MDGA2: variants seen among roughly 807,000 people sequenced by gnomAD.
MDGA2 encodes the protein MAM domain-containing glycosylphosphatidylinositol anchor protein 2.
MDGA2 carries 40 observed loss-of-function variants against 117.8 expected under a neutral mutation model. The ratio of observed to expected loss-of-function variants is 0.34; its 90% CI spans 0.26 to 0.44. The LOEUF (loss-of-function observed/expected upper bound fraction) is 0.44, where lower values mean the gene tolerates loss of function less well. MDGA2 is among the 20% of genes least tolerant of loss of function. MDGA2 has a pLI of 1.00. For missense variants in MDGA2, 1,123 were observed against 1,250.6 expected (o/e 0.90, Z 1.54); for synonymous variants, 452 against 439.0 (o/e 1.03, Z -0.37).
intron 1 of MDGA2, among the ~76,000 whole-genome samples, chr14:47,390,061 C>A (rs1891858892): frequency 6.6e-6 from 1 of 152,124 alleles, no homozygotes; most frequent in Non-Finnish European, 1.5e-5. Context: ...AGTTGTGCCC[C>A]TCCTGTAATC....
At chr14:47,508,430 T>C (rs976330948) in intron 1 of MDGA2, among the ~76,000 whole-genome samples, 11 of 151,546 alleles carry the variant, frequency 7.3e-5, no homozygotes, top group African/African-American at 1.9e-4. Flanking sequence ...TTTTTAAAAA[T>C]ATGAATGAGA....
chr14:47,404,002 C>T (rs764171083), intron 1 of MDGA2, among the ~76,000 whole-genome samples: 31 of 152,056 alleles, frequency 2.0e-4, no homozygotes, highest in Non-Finnish European at 3.8e-4. Context: ...CTTCATCAAA[C>T]TCAGCATAAA....
intron 3 of MDGA2, among the ~76,000 whole-genome samples, chr14:47,144,609 A>AC (rs1029665355): frequency 1.2e-4 from 19 of 152,122 alleles, no homozygotes; most frequent in African/African-American, 4.6e-4. Context: ...AACCTCAGTG[A>AC]CAAAAAAAAA....
chr14:47,089,386 T>G (rs1341873523), intron 6 of MDGA2, among the ~76,000 whole-genome samples: 2 of 152,050 alleles, frequency 1.3e-5, no homozygotes, highest in South Asian at 4.1e-4. Context: ...TTTTTGTTTG[T>G]TTGTTTGTAG....
At chr14:46,959,689 T>C (rs1264428527) in intron 8 of MDGA2, among the ~76,000 whole-genome samples, 1 of 152,206 alleles carries the variant, frequency 6.6e-6, no homozygotes, top group Non-Finnish European at 1.5e-5. Flanking sequence ...TTTAGATGGA[T>C]GGATTACATT....
At chr14:46,847,415 A>C (rs1229525201) in intron 15 of MDGA2, among the ~76,000 whole-genome samples, 1 of 152,010 alleles carries the variant, frequency 6.6e-6, no homozygotes, top group Non-Finnish European at 1.5e-5. Flanking sequence ...CTGTAGTTCA[A>C]ATATTTAGAA....
chr14:47,120,799 G>A (rs185609960), intron 5 of MDGA2, among the ~76,000 whole-genome samples: 1 of 152,174 alleles, frequency 6.6e-6, no homozygotes, highest in African/African-American at 2.4e-5. Context: ...TATAACAATG[G>A]ACTGGATACA....
intron 2 of MDGA2, among the ~76,000 whole-genome samples, chr14:47,228,290 T>C (rs1002108644): frequency 6.6e-6 from 1 of 152,208 alleles, no homozygotes; most frequent in Non-Finnish European, 1.5e-5. Context: ...CAAGGTTCAA[T>C]GATTCACAGA....
At chr14:47,099,222 G>GA (rs879832162) in intron 5 of MDGA2, among the ~76,000 whole-genome samples, 1 of 151,120 alleles carries the variant, frequency 6.6e-6, no homozygotes, top group African/African-American at 2.4e-5. Context: ...TTTCAAAATA[G>GA]AAAAAAAAGT....
At chr14:47,240,805 T>G (rs1285819193) in intron 2 of MDGA2, among the ~76,000 whole-genome samples, 1 of 151,912 alleles carries the variant, frequency 6.6e-6, no homozygotes, top group Non-Finnish European at 1.5e-5. Context: ...GATCTCCCAA[T>G]TAGTGAGCAC....
At chr14:47,639,164 C>G (rs1308595667) in intron 1 of MDGA2, among the ~76,000 whole-genome samples, 2 of 152,222 alleles carry the variant, frequency 1.3e-5, no homozygotes, top group African/African-American at 4.8e-5. Context: ...TTATCACCAC[C>G]TGATATGCGT....
chr14:47,026,585 G>T (rs970211957), intron 8 of MDGA2, among the ~76,000 whole-genome samples: 1 of 151,944 alleles, frequency 6.6e-6, no homozygotes, highest in South Asian at 2.1e-4. Flanking sequence ...CTTTATGTGT[G>T]ATTTATTATA....
chr14:47,584,220 G>A (rs1896279729), intron 1 of MDGA2, among the ~76,000 whole-genome samples: 6 of 151,710 alleles, frequency 4.0e-5, no homozygotes, highest in Admixed American at 2.6e-4. Context: ...TCTGCACATT[G>A]TGCTAGGTAC....
At chr14:46,968,524 G>T (rs528202480) in intron 8 of MDGA2, among the ~76,000 whole-genome samples, 32 of 152,032 alleles carry the variant, frequency 2.1e-4, no homozygotes, top group South Asian at 1.7e-3. Context: ...AAAATATAAA[G>T]ACTTCATTTA....
At chr14:47,320,850 T>C (rs912186311) in intron 1 of MDGA2, among the ~76,000 whole-genome samples, 1 of 152,160 alleles carries the variant, frequency 6.6e-6, no homozygotes, top group African/African-American at 2.4e-5. Context: ...ATGCTTTGAG[T>C]ACTTGTGTTT....
intron 1 of MDGA2, among the ~76,000 whole-genome samples, chr14:47,430,186 G>C (rs1014857749): frequency 1.3e-5 from 2 of 151,898 alleles, no homozygotes; most frequent in Admixed American, 6.6e-5. Flanking sequence ...TGTGATCTGA[G>C]ACATATTTGT....
At chr14:47,556,078 C>T (rs924750808) in intron 1 of MDGA2, among the ~76,000 whole-genome samples, 3 of 152,152 alleles carry the variant, frequency 2.0e-5, no homozygotes, top group Admixed American at 6.6e-5. Flanking sequence ...CACCTGACCC[C>T]CAGTTCTTTT....
At chr14:47,670,508 A>G (rs1257669124) in intron 1 of MDGA2, among the ~76,000 whole-genome samples, 2 of 152,220 alleles carry the variant, frequency 1.3e-5, no homozygotes, top group Admixed American at 6.5e-5. Context: ...TAGGATCTCT[A>G]GAAAACACAG....
intron 6 of MDGA2, among the ~76,000 whole-genome samples, chr14:47,081,357 A>C (rs1052450328): frequency 6.6e-5 from 10 of 152,158 alleles, no homozygotes; most frequent in African/African-American, 2.2e-4. Context: ...AAAAGTATCA[A>C]GATTATAAAA....
Sources: gnomAD v4.1 joint callset for allele counts (sites outside exome capture counted in the v4.1 genomes callset) on GRCh38, gnomAD v4.1.1 for gene constraint, MANE v1.5 for transcripts, NCBI Gene and HGNC (gene_info 2026-07-23, HGNC 2026-07-21) for gene names.